The following TSPAN14 variants were observed in gnomAD, a reference collection of about 807,000 sequenced individuals.
TSPAN14 encodes the protein tetraspanin-14.
A neutral mutation model predicts 36.6 loss-of-function variants in TSPAN14; 16 were observed. The observed-to-expected ratio is 0.44, with a 90% confidence interval of 0.30 to 0.66. The LOEUF (loss-of-function observed/expected upper bound fraction) is 0.66, where lower values mean the gene tolerates loss of function less well. Among genes scored for constraint, TSPAN14 ranks in the 30% least tolerant of loss-of-function variants. TSPAN14 has a pLI of 0.12. For missense variants in TSPAN14, 231 were observed against 355.1 expected (o/e 0.65, Z 2.81); for synonymous variants, 139 against 143.8 (o/e 0.97, Z 0.24).
chr10:80,474,925 G>T (rs1013195134), intron 1 of TSPAN14, among the ~76,000 whole-genome samples: 1 of 152,130 alleles, frequency 6.6e-6, no homozygotes, highest in Non-Finnish European at 1.5e-5. Flanking sequence ...TCTTATTCAG[G>T]ATCTTAGTGA....
chr10:80,466,897 A>G (rs1449127818), intron 1 of TSPAN14, among the ~76,000 whole-genome samples: 3 of 152,236 alleles, frequency 2.0e-5, no homozygotes, highest in Non-Finnish European at 4.4e-5. Context: ...GTGGGATATC[A>G]TGAAACGGGC....
intron 2 of TSPAN14, among the ~76,000 whole-genome samples, chr10:80,500,225 A>G (rs2132033327): frequency 1.3e-5 from 2 of 150,788 alleles, no homozygotes; most frequent in Middle Eastern, 3.4e-3. Context: ...CCATGATCTG[A>G]CATGTGATCC....
rs1417143193 is a variant in TSPAN14 at position 80,509,251 on chromosome 10, G to C, written c.280-50G>C. On this transcript the variant is annotated intron_variant, in intron 4 of 8. Coordinates refer to ENST00000429989, the Ensembl canonical transcript of TSPAN14. This position sits in a 1 kb window ranked among gnomAD's most constrained non-coding sequence, Gnocchi z 4.7. ...GTCAGGTGGGGTTATGTGTGTGGGG[G>C]TGCAGGCTGGTGGGGTGGTGACTTC... The C allele has an allele frequency of 1.9e-6, 3 of 1,582,190 alleles. No individual in the cohort carries two copies. Among genetic ancestry groups the C allele is most frequent in the Middle Eastern group, 2.0e-4 (1 of 4,926 alleles).
intron 1 of TSPAN14, among the ~76,000 whole-genome samples, chr10:80,470,973 C>T (rs183516559): frequency 1.9e-4 from 29 of 152,322 alleles, no homozygotes; most frequent in African/African-American, 6.0e-4. Context: ...GCACAGCTCT[C>T]GATCCCAAAC....
chr10:80,461,807 A>G (rs1200474831), intron 1 of TSPAN14, among the ~76,000 whole-genome samples: 1 of 152,034 alleles, frequency 6.6e-6, no homozygotes, highest in Non-Finnish European at 1.5e-5. Context: ...GTGGGATTAC[A>G]GGCAAGACCT....
intron 2 of TSPAN14, among the ~76,000 whole-genome samples, chr10:80,500,577 C>A (rs1337791055): frequency 6.6e-6 from 1 of 152,048 alleles, no homozygotes; most frequent in African/African-American, 2.4e-5. Context: ...GATCCGCCTC[C>A]CAAAGTGCTG....
intron 1 of TSPAN14, chr10:80,462,982 T>G (rs914289140): frequency 1.3e-5 from 2 of 152,132 alleles, no homozygotes; most frequent in Admixed American, 6.5e-5. Context: ...AATCTTAGGG[T>G]CTTACAGATT....
chr10:80,459,685 C>G (rs1280995297), intron 1 of TSPAN14, among the ~76,000 whole-genome samples: 1 of 152,186 alleles, frequency 6.6e-6, no homozygotes, highest in African/African-American at 2.4e-5. Flanking sequence ...GGCCTGTGCT[C>G]CTGTACACTG....
At chr10:80,461,083 C>T (rs1845939735) in intron 1 of TSPAN14, among the ~76,000 whole-genome samples, 1 of 152,156 alleles carries the variant, frequency 6.6e-6, no homozygotes, top group Non-Finnish European at 1.5e-5. Flanking sequence ...TCCCTGCCTC[C>T]AGCCTACCTT....
chr10:80,460,002 C>T lies in TSPAN14; in HGVS notation c.-18+5631C>T, dbSNP rs1845897908. On this transcript the variant is annotated intron_variant, in intron 1 of 8. Coordinates refer to ENST00000429989, the Ensembl canonical transcript of TSPAN14. Reference sequence around the variant, plus strand: ...ACACACCCTGAGTGAGGGGTGGGAGCAGTGGGTCCAGGAAGACTTAGGGAG... The same window carrying T: ...ACACACCCTGAGTGAGGGGTGGGAGTAGTGGGTCCAGGAAGACTTAGGGAG... 2.0e-5 allele frequency among the ~76,000 whole-genome samples: 3 copies of T among 152,140 alleles called. No homozygotes were observed. In the South Asian group the frequency reaches 6.2e-4, roughly 32 times the overall value.
intron 1 of TSPAN14, among the ~76,000 whole-genome samples, chr10:80,482,623 G>A (rs1203102889): frequency 6.6e-6 from 1 of 151,132 alleles, no homozygotes; most frequent in Non-Finnish European, 1.5e-5. Context: ...ATGTGAGTGT[G>A]CGTGTGCACT....
chr10:80,508,854 C>G (rs1317076535), intron 4 of TSPAN14, among the ~76,000 whole-genome samples: 1 of 152,120 alleles, frequency 6.6e-6, no homozygotes, highest in Non-Finnish European at 1.5e-5. Context: ...GGGGAGTCAT[C>G]AGATAATGTC....
intron 1 of TSPAN14, among the ~76,000 whole-genome samples, chr10:80,455,976 A>C (rs774609420): frequency 6.6e-6 from 1 of 152,148 alleles, no homozygotes; most frequent in African/African-American, 2.4e-5. Flanking sequence ...TTGCACCCCA[A>C]CTTCAGTTGG....
intron 1 of TSPAN14, among the ~76,000 whole-genome samples, chr10:80,477,405 GAC>G (rs1352188646): frequency 6.6e-6 from 1 of 152,184 alleles, no homozygotes; most frequent in African/African-American, 2.4e-5. Flanking sequence ...GGTTTGAGTA[GAC>G]ACATGTAATT....
chr10:80,468,148 T>C (rs1420505820), intron 1 of TSPAN14, among the ~76,000 whole-genome samples: 2 of 152,172 alleles, frequency 1.3e-5, no homozygotes, highest in Admixed American at 1.3e-4. Flanking sequence ...TATGTGCCTT[T>C]CCTGGCCCAG....
chr10:80,458,027 A>T (rs1369233744), intron 1 of TSPAN14, among the ~76,000 whole-genome samples: 2 of 152,054 alleles, frequency 1.3e-5, no homozygotes, highest in Non-Finnish European at 2.9e-5. Context: ...TGGGAAGGGG[A>T]TTAGGTTCCT....
chr10:80,512,158 C>T (rs200706866), exon 6 of TSPAN14: 119 of 1,614,056 alleles, frequency 7.4e-5, no homozygotes, highest in Non-Finnish European at 8.5e-5. Context: ...AGTGCTGTGG[C>T]GCATATGGCC....
intron 3 of TSPAN14, among the ~76,000 whole-genome samples, chr10:80,506,601 TTG>T (rs1409436047): frequency 1.3e-5 from 2 of 152,216 alleles, no homozygotes; most frequent in Admixed American, 6.5e-5. Flanking sequence ...GCTCTGCCCA[TTG>T]TGTGACTGTG....
intron 1 of TSPAN14, among the ~76,000 whole-genome samples, chr10:80,465,216 G>T (rs1303268245): frequency 6.6e-6 from 1 of 152,048 alleles, no homozygotes; most frequent in Non-Finnish European, 1.5e-5. Context: ...TTGGGTGGGG[G>T]CCAGGCACGT....
Sources: allele counts gnomAD v4.1 joint callset (sites outside exome capture counted in the v4.1 genomes callset), GRCh38; gene constraint gnomAD v4.1.1; non-coding constraint Gnocchi (gnomAD v3.1); transcripts MANE v1.5; gene names NCBI Gene and HGNC (gene_info 2026-07-23, HGNC 2026-07-21).